The following VEPH1 variants were observed in gnomAD, a reference collection of about 807,000 sequenced individuals.
VEPH1 encodes the protein ventricular zone expressed PH domain containing 1.
Under a neutral mutation model 85.2 loss-of-function variants are expected in VEPH1, and 80 were observed. The ratio of observed to expected loss-of-function variants is 0.94; its 90% CI spans 0.78 to 1.13. The LOEUF (loss-of-function observed/expected upper bound fraction) is 1.13, where lower values mean the gene tolerates loss of function less well. VEPH1 is among the 50% of genes most tolerant of loss of function. The pLI is 0.00. For missense variants in VEPH1, 955 were observed against 980.5 expected, an observed-to-expected ratio of 0.97 and a Z score of 0.35; for synonymous variants, 297 against 348.0, an observed-to-expected ratio of 0.85 and a Z score of 1.63.
chr3:157,423,239 G>A (rs370553555), intron 5 of VEPH1, among the ~76,000 whole-genome samples: 12 of 152,282 alleles, frequency 7.9e-5, no homozygotes, highest in South Asian at 2.1e-4. Context: ...AGAAACAGTC[G>A]TGCAAAAATA....
At chr3:157,437,289 A>C (rs1261389832) in intron 4 of VEPH1, among the ~76,000 whole-genome samples, 1 of 152,238 alleles carries the variant, frequency 6.6e-6, no homozygotes, top group Admixed American at 6.5e-5. Flanking sequence ...GTTTTGAGCT[A>C]CATAACCGGC....
chr3:157,265,788 G>T, intron 12 of VEPH1, 126 bp from the exon 13 acceptor site: 1 of 978,262 alleles, frequency 1.0e-6, no homozygotes, highest in Non-Finnish European at 1.4e-6. Context: ...GCTAATAAAT[G>T]ATGAATTTGG....
At chr3:157,363,916 A>G (rs1726339408) in intron 8 of VEPH1, among the ~76,000 whole-genome samples, 155 bp from the exon 9 acceptor site, 2 of 152,254 alleles carry the variant, frequency 1.3e-5, no homozygotes, top group Non-Finnish European at 2.9e-5. Context: ...AAATGATGTA[A>G]TAAACCAAAC....
intron 12 of VEPH1, among the ~76,000 whole-genome samples, chr3:157,274,256 C>G (rs1268944310): frequency 6.6e-6 from 1 of 152,224 alleles, no homozygotes; most frequent in Non-Finnish European, 1.5e-5. Flanking sequence ...ATAGTAGCTA[C>G]TGTCATCATG....
rs578185593 is a variant in VEPH1, at chr3:157,291,060, G to A, written c.2011-4386C>T. Among the ~76,000 whole-genome samples, 15 of 152,222 alleles carry A rather than the reference G, an allele frequency of 9.9e-5. No homozygotes were observed. The East Asian group carries it at 2.9e-3, about 29-fold the overall frequency. ...AAAGCATACATCTGGAAGAACTTTGGGTTTTGGCACATTTAAATTCTGTCC... is the reference window on the plus strand; with the variant it reads ...AAAGCATACATCTGGAAGAACTTTGAGTTTTGGCACATTTAAATTCTGTCC... On this transcript the variant is annotated intron_variant, in intron 11 of 13. Coordinates refer to ENST00000362010, the MANE Select transcript of VEPH1 (RefSeq NM_001167912.2).
intron 3 of VEPH1, among the ~76,000 whole-genome samples, chr3:157,466,454 C>G (rs546271601): frequency 6.6e-6 from 1 of 152,236 alleles, no homozygotes; most frequent in East Asian, 1.9e-4. Context: ...TTTTCGTTGC[C>G]CTGCAAGACT....
chr3:157,468,337 TA>T (rs924963244), intron 3 of VEPH1, among the ~76,000 whole-genome samples: 2 of 152,006 alleles, frequency 1.3e-5, no homozygotes, highest in African/African-American at 2.4e-5. Flanking sequence ...AAGAATTGTG[TA>T]AAAAAAATGG....
chr3:157,350,952 C>G (rs1724802468), intron 9 of VEPH1, among the ~76,000 whole-genome samples: 1 of 152,154 alleles, frequency 6.6e-6, no homozygotes, highest in African/African-American at 2.4e-5. Flanking sequence ...GTATAGAGAA[C>G]AGTATGGAGG....
intron 4 of VEPH1, among the ~76,000 whole-genome samples, chr3:157,439,107 C>G (rs74901151): frequency 0.054 from 8,247 of 152,160 alleles, 307 homozygotes; most frequent in East Asian, 0.12. Flanking sequence ...GGAGAAAAAG[C>G]ATAAAATCAA....
chr3:157,443,921 A>G (rs1344475976), intron 4 of VEPH1, among the ~76,000 whole-genome samples: 1 of 152,232 alleles, frequency 6.6e-6, no homozygotes, highest in Non-Finnish European at 1.5e-5. Context: ...TAACATAAAA[A>G]CAAACACCAA....
chr3:157,442,299 A>G, intron 4 of VEPH1: 1 of 1,334,172 alleles, frequency 7.5e-7, no homozygotes, highest in South Asian at 1.5e-5. Context: ...TAAATAACTA[A>G]TGCCAGAATA....
intron 9 of VEPH1, among the ~76,000 whole-genome samples, chr3:157,357,609 C>T (rs1725587589): frequency 6.6e-6 from 1 of 152,062 alleles, no homozygotes; most frequent in Admixed American, 6.5e-5. Context: ...TCTCCTGCCT[C>T]AGCCTCCTGA....
chr3:157,387,406 A>T (rs1374942334), intron 6 of VEPH1, among the ~76,000 whole-genome samples: 1 of 152,190 alleles, frequency 6.6e-6, no homozygotes, highest in African/African-American at 2.4e-5. Flanking sequence ...TTGCAAAATG[A>T]GTATCTAGAT....
intron 12 of VEPH1, among the ~76,000 whole-genome samples, chr3:157,280,137 T>C (rs1247888133): frequency 6.6e-6 from 1 of 152,062 alleles, no homozygotes; most frequent in Non-Finnish European, 1.5e-5. Flanking sequence ...AAAGGATTAC[T>C]CTGCAATATG....
chr3:157,425,417 T>C (rs1732686902), intron 5 of VEPH1, among the ~76,000 whole-genome samples: 1 of 152,172 alleles, frequency 6.6e-6, no homozygotes, highest in Non-Finnish European at 1.5e-5. Context: ...GGAGGGAGGC[T>C]GTACCTTGAA....
rs751821583 is a variant in VEPH1, at chr3:157,495,397, G to A, written c.-48C>T. On this transcript the variant is annotated 5_prime_UTR_variant, in exon 2 of 14. Coordinates refer to ENST00000362010, the MANE Select transcript of VEPH1 (RefSeq NM_001167912.2). ...TGACTTTCTACAGACCCAGAGTCAT[G>A]TGTTCCAGTTATCAGAGGTCAGTAA... 13 of 1,603,656 alleles carry A rather than the reference G, an allele frequency of 8.1e-6. No individual in the cohort carries two copies. Among genetic ancestry groups the A allele is most frequent in the Non-Finnish European group, 9.4e-6 (11 of 1,175,124 alleles).
chr3:157,413,158 T>C lies in VEPH1; in HGVS notation c.906+723A>G, dbSNP rs150202707. Among the ~76,000 whole-genome samples, 780 of 152,222 alleles carry C rather than the reference T, an allele frequency of 5.1e-3. 6 individuals carry two copies. The highest frequency in any genetic ancestry group is 0.016 in the South Asian group (76 of 4,820). ...ATAGATTTGTTTTTATTTTAATATATAAAAATCCTAAATCCCAACATGAAA... is the reference window on the plus strand; with the variant it reads ...ATAGATTTGTTTTTATTTTAATATACAAAAATCCTAAATCCCAACATGAAA... On this transcript the variant is annotated intron_variant, in intron 6 of 13. Coordinates refer to ENST00000362010, the MANE Select transcript of VEPH1 (RefSeq NM_001167912.2).
chr3:157,468,755 TC>T (rs1446353827), intron 3 of VEPH1, among the ~76,000 whole-genome samples: 1 of 152,148 alleles, frequency 6.6e-6, no homozygotes, highest in Non-Finnish European at 1.5e-5. Flanking sequence ...AGAATTTTTT[TC>T]CTTTTTAATT....
At chr3:157,393,413 A>G (rs866113198) in intron 6 of VEPH1, among the ~76,000 whole-genome samples, 15 of 152,244 alleles carry the variant, frequency 9.9e-5, no homozygotes, top group South Asian at 2.1e-4. Context: ...AGTATCTAGC[A>G]TAGAGTAGGT....
Sources: gnomAD v4.1 joint callset for allele counts (sites outside exome capture counted in the v4.1 genomes callset) on GRCh38, gnomAD v4.1.1 for gene constraint, MANE v1.5 for transcripts, NCBI Gene and HGNC (gene_info 2026-07-23, HGNC 2026-07-21) for gene names.